PHACTR1: variants seen among roughly 807,000 people sequenced by gnomAD.
The protein encoded by PHACTR1 is phosphatase and actin regulator 1.
In PHACTR1, 16 loss-of-function variants were observed where a neutral mutation model predicts 69.2. That is an observed-to-expected ratio of 0.23 (90% CI 0.16 to 0.35). The LOEUF (loss-of-function observed/expected upper bound fraction) is 0.35, where lower values mean the gene tolerates loss of function less well. PHACTR1 is among the 10% of genes least tolerant of loss of function. PHACTR1 has a pLI of 1.00. For missense variants in PHACTR1, 510 were observed against 734.7 expected (o/e 0.69, Z 3.54); for synonymous variants, 312 against 284.5 (o/e 1.10, Z -0.97).
intron 4 of PHACTR1, among the ~76,000 whole-genome samples, chr6:12,959,831 G>T (rs1792453918): frequency 6.6e-6 from 1 of 152,212 alleles, no homozygotes; most frequent in African/African-American, 2.4e-5. Context: ...CCTCTGCATA[G>T]ATCATGGTGC....
chr6:13,085,706 A>G (rs1812162535), intron 5 of PHACTR1, among the ~76,000 whole-genome samples: 1 of 152,114 alleles, frequency 6.6e-6, no homozygotes, highest in African/African-American at 2.4e-5. Context: ...GCTAAAATGC[A>G]TGATTAACAA....
At chr6:13,217,615 T>C (rs1767882104) in intron 8 of PHACTR1, among the ~76,000 whole-genome samples, 1 of 151,424 alleles carries the variant, frequency 6.6e-6, no homozygotes, top group Non-Finnish European at 1.5e-5. Flanking sequence ...CCATTACCAC[T>C]GCTGAAAAAA....
chr6:13,226,078 A>C (rs551382231), intron 8 of PHACTR1, among the ~76,000 whole-genome samples: 1 of 152,342 alleles, frequency 6.6e-6, no homozygotes, highest in South Asian at 2.1e-4. Flanking sequence ...GTAAACCACT[A>C]ATGTGATAAA....
At chr6:12,876,978 G>A (rs1331471042) in intron 4 of PHACTR1, among the ~76,000 whole-genome samples, 6 of 152,124 alleles carry the variant, frequency 3.9e-5, no homozygotes, top group Non-Finnish European at 8.8e-5. Flanking sequence ...AAATAAAGAG[G>A]GGATGCAAGT....
At chr6:13,041,767 A>C (rs954473846) in intron 4 of PHACTR1, among the ~76,000 whole-genome samples, 1 of 152,212 alleles carries the variant, frequency 6.6e-6, no homozygotes, top group African/African-American at 2.4e-5. Flanking sequence ...AGGTTGAATC[A>C]AAAAGCCTGC....
chr6:12,751,497 G>T (rs1766614875), intron 4 of PHACTR1, among the ~76,000 whole-genome samples: 1 of 152,182 alleles, frequency 6.6e-6, no homozygotes, highest in Admixed American at 6.5e-5. Context: ...CTTAGCCCAG[G>T]AGGAACAGAG....
At chr6:12,991,480 C>T (rs567054248) in intron 4 of PHACTR1, among the ~76,000 whole-genome samples, 8 of 152,220 alleles carry the variant, frequency 5.3e-5, no homozygotes, top group East Asian at 1.9e-4. Flanking sequence ...CTAAAGAGGC[C>T]GGCAATACAG....
intron 10 of PHACTR1, among the ~76,000 whole-genome samples, chr6:13,256,191 C>T (rs1775174696): frequency 6.6e-6 from 1 of 152,236 alleles, no homozygotes; most frequent in African/African-American, 2.4e-5. Context: ...ACCTGGGCCC[C>T]TTTGAGCCAT....
chr6:12,905,416 A>G (rs889280251), intron 4 of PHACTR1, among the ~76,000 whole-genome samples: 3 of 152,214 alleles, frequency 2.0e-5, no homozygotes, highest in Non-Finnish European at 2.9e-5. Context: ...CTATGTGTCT[A>G]ATCAGCAGCC....
At chr6:13,099,252 G>T (rs114730684) in intron 5 of PHACTR1, among the ~76,000 whole-genome samples, 1 of 152,136 alleles carries the variant, frequency 6.6e-6, no homozygotes, top group African/African-American at 2.4e-5. Context: ...AGTTTCCCTC[G>T]AACTTTTCTC....
intron 10 of PHACTR1, among the ~76,000 whole-genome samples, chr6:13,237,538 T>C (rs184614476): frequency 6.6e-6 from 1 of 152,346 alleles, no homozygotes; most frequent in East Asian, 1.9e-4. Context: ...GCACTGCACA[T>C]GCCGAGGAGA....
At chr6:12,882,002 A>T (rs769843744) in intron 4 of PHACTR1, among the ~76,000 whole-genome samples, 8 of 152,160 alleles carry the variant, frequency 5.3e-5, no homozygotes, top group Non-Finnish European at 1.2e-4. Context: ...TGTGTTAAAG[A>T]CAAATTCAAC....
At position 12,936,453 on chromosome 6, in the gene PHACTR1, T is replaced by C. The variant is rs187102819; in HGVS notation, c.251-116912T>C. 2.2e-3 allele frequency among the ~76,000 whole-genome samples: 338 copies of C among 152,364 alleles called. 2 individuals carry two copies. Among genetic ancestry groups the C allele is most frequent in the African/African-American group, 7.6e-3 (315 of 41,594 alleles). On this transcript the variant is annotated intron_variant, in intron 4 of 14. Coordinates refer to ENST00000332995, the MANE Select transcript of PHACTR1 (RefSeq NM_030948.6). ...AAATGCTAACTCAGGAAGTCTTTTG[T>C]ACGCACTGAAACACTTGCCACTCAT...
intron 3 of PHACTR1, among the ~76,000 whole-genome samples, chr6:12,743,119 T>C (rs1219781915): frequency 6.6e-6 from 1 of 151,966 alleles, no homozygotes; most frequent in African/African-American, 2.4e-5. Context: ...TTCGTTTTTG[T>C]TTCTTCTGAG....
At chr6:12,901,970 T>C (rs1785244923) in intron 4 of PHACTR1, among the ~76,000 whole-genome samples, 1 of 152,178 alleles carries the variant, frequency 6.6e-6, no homozygotes. Context: ...TGGCAATGTC[T>C]GGGACGTTTT....
chr6:12,912,189 G>A lies in PHACTR1; in HGVS notation c.251-141176G>A, dbSNP rs563271217. Among the ~76,000 whole-genome samples the A allele has an allele frequency of 2.6e-4, 40 of 152,198 alleles. No homozygotes were observed. In the South Asian group the frequency reaches 3.7e-3, roughly 14 times the overall value. ...ATTTTTTTGTATTTTTAATAGAGAC[G>A]GGATTTTGCCATGTTGGCCAGGCTG... is the stretch of plus-strand genomic sequence containing the variant. On this transcript the variant is annotated intron_variant, in intron 4 of 14. Transcript: ENST00000332995.
intron 4 of PHACTR1, among the ~76,000 whole-genome samples, chr6:12,993,010 A>G (rs543196864): frequency 6.6e-6 from 1 of 152,374 alleles, no homozygotes; most frequent in Admixed American, 6.5e-5. Context: ...GTTGACAAAG[A>G]AAAAGGAAGA....
chr6:13,009,526 A>C (rs1799204514), intron 4 of PHACTR1, among the ~76,000 whole-genome samples: 1 of 152,140 alleles, frequency 6.6e-6, no homozygotes, highest in Non-Finnish European at 1.5e-5. Context: ...TAAGAGTTAA[A>C]GCACTTTTGT....
At chr6:13,279,786 C>G (rs896817635) in intron 12 of PHACTR1, 1 of 152,200 alleles carries the variant, frequency 6.6e-6, no homozygotes, top group African/African-American at 2.4e-5. Flanking sequence ...TCTTTGGATG[C>G]AGGGTGCAGT....
Sources: gnomAD v4.1 joint callset for allele counts (sites outside exome capture counted in the v4.1 genomes callset) on GRCh38, gnomAD v4.1.1 for gene constraint, MANE v1.5 for transcripts, NCBI Gene and HGNC (gene_info 2026-07-23, HGNC 2026-07-21) for gene names.